Variants in RANBP17 observed in about 807,000 individuals in gnomAD.
The protein encoded by RANBP17 is RAN binding protein 17, also known as ran-binding protein 17.
In RANBP17, 158 loss-of-function variants were observed where a neutral mutation model predicts 141.2. The observed-to-expected ratio is 1.12, with a 90% confidence interval of 0.98 to 1.28. RANBP17 has a LOEUF of 1.28. RANBP17 is among the 50% of genes most tolerant of loss of function. RANBP17 has a pLI of 0.00. For synonymous variants in RANBP17, 430 were observed against 450.0 expected, an observed-to-expected ratio of 0.96 and a Z score of 0.56; for missense variants, 1,438 against 1,290.7, an observed-to-expected ratio of 1.11 and a Z score of -1.75.
At chr5:171,295,780 G>A in intron 26 of RANBP17, 107 bp from the exon 27 acceptor site, 1 of 1,241,772 alleles carries the variant, frequency 8.1e-7, no homozygotes, top group South Asian at 1.4e-5. Flanking sequence ...ACTCCTCTGA[G>A]CATTAGTGAG....
intron 14 of RANBP17, among the ~76,000 whole-genome samples, chr5:171,023,216 C>T (rs759816102): frequency 5.3e-5 from 8 of 152,204 alleles, no homozygotes; most frequent in East Asian, 1.9e-4. Flanking sequence ...TGTTTCTAGT[C>T]GGCCATCTTG....
At chr5:170,931,811 C>T (rs971284094) in intron 12 of RANBP17, among the ~76,000 whole-genome samples, 1 of 152,018 alleles carries the variant, frequency 6.6e-6, no homozygotes, top group Non-Finnish European at 1.5e-5. Flanking sequence ...TTACTGTAGC[C>T]TTGTAGTATA....
At chr5:171,109,890 A>C (rs956792733) in intron 14 of RANBP17, among the ~76,000 whole-genome samples, 1 of 152,126 alleles carries the variant, frequency 6.6e-6, no homozygotes, top group African/African-American at 2.4e-5. Flanking sequence ...ATAGGTATTA[A>C]CATGATGATA....
chr5:171,159,829 G>A lies in RANBP17; in HGVS notation c.1711-10301G>A, dbSNP rs559287737. On this transcript the variant is annotated intron_variant, in intron 14 of 27. Transcript: ENST00000523189. ...TCCCAGCTACTCGGGAGGCTGAGGC[G>A]GGAGAATGATGTGAACCCGGGAGGC... Among the ~76,000 whole-genome samples the A allele has an allele frequency of 4.0e-5, 6 of 151,038 alleles. No homozygotes were observed. The East Asian group carries it at 5.9e-4, about 15-fold the overall frequency.
chr5:171,168,012 C>T (rs546232065), intron 14 of RANBP17, among the ~76,000 whole-genome samples: 1 of 152,110 alleles, frequency 6.6e-6, no homozygotes, highest in Non-Finnish European at 1.5e-5. Context: ...CTAGTAGATC[C>T]AGACCGTGTC....
At chr5:171,214,708 C>T (rs1023222189) in intron 21 of RANBP17, among the ~76,000 whole-genome samples, 2 of 151,756 alleles carry the variant, frequency 1.3e-5, no homozygotes, top group Admixed American at 6.6e-5. Flanking sequence ...CTCATAGGTG[C>T]CTTAAAGGAA....
At chr5:171,046,559 G>T (rs1197657175) in intron 14 of RANBP17, among the ~76,000 whole-genome samples, 1 of 151,976 alleles carries the variant, frequency 6.6e-6, no homozygotes, top group Non-Finnish European at 1.5e-5. Flanking sequence ...ACCATACTTG[G>T]TTTAAGCTGT....
Position 171,241,073 on chromosome 5 carries a change from C to T in RANBP17, c.2568C>T (p.Asp856=), listed in dbSNP as rs1030999348. Residue 856 remains aspartate, a synonymous_variant, in exon 23 of 28, where the codon GAC becomes GAT. Coordinates refer to ENST00000523189, the MANE Select transcript of RANBP17 (RefSeq NM_022897.5). Reference sequence around the variant, plus strand: ...TTGGCGTCTTCAAGTTGTATGGGGACAACCATTTTGACAATGTACTCCAGG... The same window carrying T: ...TTGGCGTCTTCAAGTTGTATGGGGATAACCATTTTGACAATGTACTCCAGG... ...VSFGVFKLYG[D]NHFDNVLQAF... The T allele has an allele frequency of 1.2e-6, 2 of 1,613,854 alleles. No individual in the cohort carries two copies. The highest frequency in any genetic ancestry group is 1.7e-5 in the Admixed American group (1 of 59,984).
intron 19 of RANBP17, among the ~76,000 whole-genome samples, chr5:171,202,693 G>T (rs891104182): frequency 1.3e-5 from 2 of 152,102 alleles, no homozygotes; most frequent in Non-Finnish European, 2.9e-5. Flanking sequence ...CTTGGGGCCT[G>T]CTCATTCCTC....
chr5:170,971,704 G>T lies in RANBP17; in HGVS notation c.1710+3327G>T, dbSNP rs532601166. Among the ~76,000 whole-genome samples, 3 of 152,206 alleles carry T rather than the reference G, an allele frequency of 2.0e-5. No homozygotes were observed. In the South Asian group the frequency reaches 6.2e-4, roughly 32 times the overall value. ...TATCCAATCTGTCACCTAATCCTGTGAATTTTACTTTTGGAGTATCTCTCA... is the reference window on the plus strand; with the variant it reads ...TATCCAATCTGTCACCTAATCCTGTTAATTTTACTTTTGGAGTATCTCTCA... On this transcript the variant is annotated intron_variant, in intron 14 of 27. Transcript: ENST00000523189.
intron 11 of RANBP17, among the ~76,000 whole-genome samples, chr5:170,922,529 CCCCCCTT>C (rs1772551541): frequency 6.6e-6 from 1 of 152,148 alleles, no homozygotes; most frequent in South Asian, 2.1e-4. Flanking sequence ...CAATGGCGGA[CCCCCCTT>C]CCCCCGTCAA....
chr5:171,101,427 C>CT (rs1240538629), intron 14 of RANBP17, among the ~76,000 whole-genome samples: 40 of 152,124 alleles, frequency 2.6e-4, no homozygotes, highest in Middle Eastern at 3.4e-3. Context: ...AACCCCTGCT[C>CT]TTTTTTTGCT....
intron 12 of RANBP17, among the ~76,000 whole-genome samples, chr5:170,926,599 C>T (rs537862313): frequency 1.3e-5 from 2 of 152,122 alleles, no homozygotes; most frequent in Non-Finnish European, 2.9e-5. Context: ...GACCTGTCTG[C>T]TGCATATCAT....
chr5:171,018,728 C>T (rs553811972), intron 14 of RANBP17, among the ~76,000 whole-genome samples: 1 of 152,280 alleles, frequency 6.6e-6, no homozygotes, highest in Admixed American at 6.5e-5. Flanking sequence ...TTCCTTTCTT[C>T]CTATTTGAAT....
chr5:171,101,104 T>C (rs1163321662), intron 14 of RANBP17, among the ~76,000 whole-genome samples: 7 of 152,202 alleles, frequency 4.6e-5, no homozygotes, highest in Non-Finnish European at 1.0e-4. Context: ...GTTCTGTAGC[T>C]ATCTATTAGG....
intron 14 of RANBP17, among the ~76,000 whole-genome samples, chr5:171,004,549 C>T (rs1419189956): frequency 2.0e-5 from 3 of 152,044 alleles, no homozygotes; most frequent in African/African-American, 7.3e-5. Context: ...GCCCCCGTAT[C>T]GATTAAACAG....
intron 13 of RANBP17, among the ~76,000 whole-genome samples, chr5:170,960,508 T>C (rs1315034170): frequency 6.6e-6 from 1 of 152,218 alleles, no homozygotes; most frequent in Non-Finnish European, 1.5e-5. Context: ...AGAGTTATCC[T>C]TAACTTTTTC....
At chr5:170,967,837 A>T (rs573738948) in intron 13 of RANBP17, among the ~76,000 whole-genome samples, 1 of 151,862 alleles carries the variant, frequency 6.6e-6, no homozygotes, top group Admixed American at 6.6e-5. Context: ...GAAATACAAG[A>T]TTAAGTAAAA....
At chr5:171,140,552 A>T (rs1360323967) in intron 14 of RANBP17, among the ~76,000 whole-genome samples, 2 of 152,070 alleles carry the variant, frequency 1.3e-5, no homozygotes, top group Admixed American at 1.3e-4. Context: ...ATAAAACCTC[A>T]CCCCAAGTCC....
Sources: gnomAD v4.1 joint callset for allele counts (sites outside exome capture counted in the v4.1 genomes callset) on GRCh38, gnomAD v4.1.1 for gene constraint, MANE v1.5 for transcripts, NCBI Gene and HGNC (gene_info 2026-07-23, HGNC 2026-07-21) for gene names.